The following HMCN1 variants were observed in gnomAD, a reference collection of about 807,000 sequenced individuals.
HMCN1 encodes hemicentin 1, also known as hemicentin-1.
In HMCN1, 321 loss-of-function variants were observed where a neutral mutation model predicts 625.9. The ratio of observed to expected loss-of-function variants is 0.51; its 90% CI spans 0.47 to 0.56. The LOEUF (loss-of-function observed/expected upper bound fraction) is 0.56. Ranked by LOEUF, HMCN1 falls within the 20% of genes least tolerant of loss-of-function variation. HMCN1 has a pLI of 0.00. For missense variants in HMCN1, 6,588 were observed against 6,887.3 expected (o/e 0.96, Z 1.54); for synonymous variants, 2,425 against 2,417.6 (o/e 1.00, Z -0.09).
At chr1:186,030,425 AT>A (rs1419962094) in intron 36 of HMCN1, among the ~76,000 whole-genome samples, 2 of 151,802 alleles carry the variant, frequency 1.3e-5, no homozygotes, top group African/African-American at 2.4e-5. Context: ...AACCTTTTGT[AT>A]TTTTTTTAAA....
rs777018133 is a variant in HMCN1 at position 185,984,241 on chromosome 1, G to A, written c.2863G>A (p.Gly955Ser). The part of the protein sequence containing the change: ...LHIERVQLQD[G>S]GEYTCVASNV... Reference sequence around the variant, plus strand: ...TATTGAAAGAGTTCAGCTTCAGGATGGTGGTGAATATACTTGTGTGGCCAG... The same window carrying A: ...TATTGAAAGAGTTCAGCTTCAGGATAGTGGTGAATATACTTGTGTGGCCAG... Residue 955 changes from glycine to serine, a missense_variant, in exon 19 of 107, where the codon GGT (glycine) becomes AGT (serine). Physicochemically the swap from Gly to Ser is moderately conservative, Grantham distance 56 (BLOSUM62 0). Coordinates refer to ENST00000271588, the MANE Select transcript of HMCN1 (RefSeq NM_031935.3). 13 of 1,613,664 alleles carry A rather than the reference G, an allele frequency of 8.1e-6. No individual in the cohort carries two copies. Among genetic ancestry groups the A allele is most frequent in the Non-Finnish European group, 1.1e-5 (13 of 1,179,672 alleles).
At chr1:186,134,996 GAA>G (rs765426402) in intron 86 of HMCN1, among the ~76,000 whole-genome samples, 20 of 152,108 alleles carry the variant, frequency 1.3e-4, no homozygotes, top group Non-Finnish European at 2.2e-4. Flanking sequence ...TCTTGAAAAA[GAA>G]AAAGAGCTAA....
chr1:185,995,416 C>T (rs1652715205), intron 24 of HMCN1, among the ~76,000 whole-genome samples: 1 of 152,240 alleles, frequency 6.6e-6, no homozygotes, highest in African/African-American at 2.4e-5. Context: ...TGTCACCTCA[C>T]AGTGCTGGGG....
intron 4 of HMCN1, among the ~76,000 whole-genome samples, chr1:185,901,169 G>A (rs1571530581): frequency 6.6e-6 from 1 of 151,930 alleles, no homozygotes; most frequent in South Asian, 2.1e-4. Context: ...TGCACCTTAA[G>A]CCAGGACGCA....
chr1:186,119,719 C>A (rs1303489171), intron 78 of HMCN1, 26 bp from the exon 79 acceptor site: 1 of 1,612,868 alleles, frequency 6.2e-7, no homozygotes, highest in East Asian at 2.2e-5. Flanking sequence ...GCTATTACTT[C>A]TTTTTGTTGA....
At position 186,094,280 on chromosome 1, in the gene HMCN1, G is replaced by A. The variant is rs1428389867; in HGVS notation, c.10201G>A (p.Val3401Met). 6.2e-7 allele frequency: 1 copy of A among 1,612,176 alleles called. No individual in the cohort carries two copies. The highest frequency in any genetic ancestry group is 8.5e-7 in the Non-Finnish European group (1 of 1,178,516). ...GTGGATCAAATTGTTTCTCAGGATT[G>A]TGAGAGCTCAGGTGTCTGATGTCGC... Reference protein sequence around the residue: ...LLAAGQVIRIVRAQVSDVAVY... With the variant: ...LLAAGQVIRIMRAQVSDVAVY... Residue 3401 changes from valine to methionine, a missense_variant, in exon 67 of 107, where the codon GTG becomes ATG. This residue lies in a region of HMCN1 where 4,628 missense variants were observed against 4,853.1 expected (regional missense o/e 0.95). Transcript: ENST00000271588.
chr1:186,123,713 T>A (rs1481816760), intron 81 of HMCN1, among the ~76,000 whole-genome samples: 3 of 152,144 alleles, frequency 2.0e-5, no homozygotes, highest in Non-Finnish European at 4.4e-5. Flanking sequence ...GACAACAAAA[T>A]ATTGAAAAAT....
Position 185,865,879 on chromosome 1 carries a change from G to A in HMCN1, c.621+16G>A, listed in dbSNP as rs1432848860. On this transcript the variant is annotated intron_variant, in intron 4 of 106. Transcript: ENST00000271588. ...AGTTAATGAGGTCAGTTTAATAAAG[G>A]GAGTCTACTTTATTACCAGCTGCCT... is the stretch of plus-strand genomic sequence containing the variant. 12 of 1,611,738 alleles carry A rather than the reference G, an allele frequency of 7.4e-6. No homozygotes were observed. Among genetic ancestry groups the A allele is most frequent in the Non-Finnish European group, 8.5e-6 (10 of 1,178,684 alleles).
In HMCN1 at chr1:186,178,752, A is replaced by G. The variant is rs751058515; in HGVS notation, c.16280A>G (p.His5427Arg). 10 of 1,607,052 alleles carry G rather than the reference A, an allele frequency of 6.2e-6. No homozygotes were observed. The Admixed American group carries it at 8.3e-5, about 13-fold the overall frequency. The change falls in exon 104 of 107, where the codon CAT (histidine) becomes CGT (arginine). Residue 5427 changes from histidine to arginine, a missense_variant. Coordinates refer to ENST00000271588, the MANE Select transcript of HMCN1 (RefSeq NM_031935.3). ...KTCPEGSEAS[H>R]DTCVDIDECE... ...TGCCCTGAAGGCTCTGAGGCAAGCC[A>G]TGACACATGTGTAGGTAAATGTCAG...
intron 75 of HMCN1, among the ~76,000 whole-genome samples, chr1:186,116,167 G>A (rs1661125542): frequency 6.6e-6 from 1 of 152,020 alleles, no homozygotes; most frequent in African/African-American, 2.4e-5. Flanking sequence ...GGCATTGGGA[G>A]GTTCAGTGAC....
intron 36 of HMCN1, among the ~76,000 whole-genome samples, chr1:186,025,636 T>C (rs978859860): frequency 5.9e-5 from 9 of 152,114 alleles, no homozygotes; most frequent in East Asian, 3.9e-4. Flanking sequence ...AAAAGCATAA[T>C]TGATACCTAA....
At chr1:185,783,330 C>A (rs193007945) in intron 1 of HMCN1, among the ~76,000 whole-genome samples, 1 of 152,164 alleles carries the variant, frequency 6.6e-6, no homozygotes, top group Non-Finnish European at 1.5e-5. Flanking sequence ...TCATTTGAAG[C>A]CTTCTTCTCT....
chr1:186,085,790 G>A (rs544643339), intron 57 of HMCN1, among the ~76,000 whole-genome samples: 5 of 151,996 alleles, frequency 3.3e-5, no homozygotes, highest in Non-Finnish European at 5.9e-5. Context: ...TCCAAAGGCC[G>A]AAGTCTAACC....
intron 1 of HMCN1, among the ~76,000 whole-genome samples, chr1:185,792,801 C>G (rs1254021192): frequency 6.6e-6 from 1 of 152,170 alleles, no homozygotes; most frequent in Non-Finnish European, 1.5e-5. Flanking sequence ...CTACCAATTA[C>G]TGGTAGGTCT....
intron 52 of HMCN1, 108 bp from the exon 53 acceptor site, chr1:186,074,633 C>T: frequency 1.1e-6 from 1 of 938,904 alleles, no homozygotes. Flanking sequence ...GTTTTGCATA[C>T]AATTTTATTT....
rs184407422 is a variant in HMCN1 at position 186,032,063 on chromosome 1, T to C, written c.5750-5871T>C. Reference sequence around the variant, plus strand: ...CAAAAAAAAAACAAAAATAAATAAATGGGATGAATTAAACTAAAAACCTTA... The same window carrying C: ...CAAAAAAAAAACAAAAATAAATAAACGGGATGAATTAAACTAAAAACCTTA... On this transcript the variant is annotated intron_variant, in intron 36 of 106. Transcript: ENST00000271588. Among the ~76,000 whole-genome samples the C allele has an allele frequency of 9.0e-4, 135 of 150,382 alleles. 1 individual carries two copies. Among genetic ancestry groups the C allele is most frequent in the East Asian group, 1.9e-3 (10 of 5,152 alleles).
At chr1:186,105,073 A>G (rs1273266960) in intron 69 of HMCN1, among the ~76,000 whole-genome samples, 1 of 152,242 alleles carries the variant, frequency 6.6e-6, no homozygotes, top group Middle Eastern at 3.2e-3. Context: ...TGAAGGTGTC[A>G]TAGAGTGTTA....
intron 57 of HMCN1, 148 bp downstream of exon 57, chr1:186,083,109 C>G (rs1018360801): frequency 2.4e-6 from 1 of 413,960 alleles, no homozygotes; most frequent in African/African-American, 2.1e-5. Context: ...TTCTTTCTTT[C>G]CACGATGGCT....
At chr1:185,888,390 A>C (rs1204269806) in intron 4 of HMCN1, among the ~76,000 whole-genome samples, 1 of 144,838 alleles carries the variant, frequency 6.9e-6, no homozygotes, top group Non-Finnish European at 1.5e-5. Context: ...GCCCATGCGT[A>C]TGTCCTGAAT....
Sources: gnomAD v4.1 joint callset for allele counts (sites outside exome capture counted in the v4.1 genomes callset) on GRCh38, gnomAD v4.1.1 for gene constraint, gnomAD v4.1.1 regional missense constraint, MANE v1.5 for transcripts, NCBI Gene and HGNC (gene_info 2026-07-23, HGNC 2026-07-21) for gene names.